Variants in ZFYVE28 observed in about 807,000 individuals in gnomAD.
The protein encoded by ZFYVE28 is zinc finger FYVE-type containing 28.
Under a neutral mutation model 82.1 loss-of-function variants are expected in ZFYVE28, and 40 were observed. That is an observed-to-expected ratio of 0.49 (90% CI 0.38 to 0.63). ZFYVE28 has a LOEUF of 0.63. Ranked by LOEUF, ZFYVE28 falls within the 30% of genes least tolerant of loss-of-function variation. ZFYVE28 has a pLI of 0.00. For missense variants in ZFYVE28, 1,321 were observed against 1,242.1 expected (o/e 1.06, Z -0.96); for synonymous variants, 612 against 546.1 (o/e 1.12, Z -1.68).
intron 2 of ZFYVE28, among the ~76,000 whole-genome samples, chr4:2,352,088 G>C (rs1186394201): frequency 6.6e-6 from 1 of 152,140 alleles, no homozygotes; most frequent in Non-Finnish European, 1.5e-5. Flanking sequence ...TTTGTGTCCT[G>C]AGAATACTGT....
intron 8 of ZFYVE28, among the ~76,000 whole-genome samples, chr4:2,290,006 GC>G (rs1389064432): frequency 6.6e-6 from 1 of 152,144 alleles, no homozygotes; most frequent in Non-Finnish European, 1.5e-5. Context: ...CAGTGGACAG[GC>G]CCAGGGAGCC....
intron 8 of ZFYVE28, among the ~76,000 whole-genome samples, chr4:2,297,836 GAC>G (rs1206434591): frequency 6.6e-6 from 1 of 151,374 alleles, no homozygotes; most frequent in East Asian, 1.9e-4. Flanking sequence ...GTGACACGGT[GAC>G]ACAGTGACAC....
chr4:2,330,570 G>A, intron 6 of ZFYVE28: 1 of 1,213,730 alleles, frequency 8.2e-7, no homozygotes, highest in South Asian at 1.8e-5. Flanking sequence ...TGGAGAATGG[G>A]ATAGCATGGA....
intron 8 of ZFYVE28, among the ~76,000 whole-genome samples, chr4:2,292,572 C>T (rs1013312018): frequency 3.3e-5 from 5 of 152,168 alleles, no homozygotes; most frequent in East Asian, 3.9e-4. Flanking sequence ...GCAGGGTCAA[C>T]GGATTACTCA....
Position 2,416,264 on chromosome 4 carries a change from T to G in ZFYVE28, c.39+2021A>C, listed in dbSNP as rs1733023472. ...GAAACAGACAAGGCCATCCTGAAAT[T>G]ACTCAGCTACTCATGAAACAGAGTC... On this transcript the variant is annotated intron_variant, in intron 1 of 12. Coordinates refer to ENST00000290974, the MANE Select transcript of ZFYVE28 (RefSeq NM_020972.3). This position sits in a 1 kb window ranked among gnomAD's most constrained non-coding sequence, Gnocchi z 4.6. 6.6e-6 allele frequency among the ~76,000 whole-genome samples: 1 copy of G among 152,228 alleles called. No homozygotes were observed. Among genetic ancestry groups the G allele is most frequent in the South Asian group, 2.1e-4 (1 of 4,824 alleles).
At chr4:2,330,141 C>T (rs1017840350) in intron 6 of ZFYVE28, 15 of 411,520 alleles carry the variant, frequency 3.6e-5, no homozygotes, top group Admixed American at 1.9e-4. Context: ...TGGAGGTGAC[C>T]GCTCAGGAGT....
chr4:2,391,322 G>A lies in ZFYVE28; in HGVS notation c.39+26963C>T, dbSNP rs541208789. On this transcript the variant is annotated intron_variant, in intron 1 of 12. Coordinates refer to ENST00000290974, the MANE Select transcript of ZFYVE28 (RefSeq NM_020972.3). Reference sequence around the variant, plus strand: ...GAGCTCTCCCAACCCGCGCTCATGTGTGGCGGAAGAGCCTCGTTCCCTCCC... The same window carrying A: ...GAGCTCTCCCAACCCGCGCTCATGTATGGCGGAAGAGCCTCGTTCCCTCCC... 2.6e-5 allele frequency among the ~76,000 whole-genome samples: 4 copies of A among 152,200 alleles called. No individual in the cohort carries two copies. In the South Asian group the frequency reaches 8.3e-4, roughly 32 times the overall value.
chr4:2,402,878 A>C (rs1378429169), intron 1 of ZFYVE28, among the ~76,000 whole-genome samples: 2 of 151,592 alleles, frequency 1.3e-5, no homozygotes, highest in Non-Finnish European at 2.9e-5. Context: ...TGCCCCCTCC[A>C]CCAAGGCCCC....
chr4:2,399,328 G>A (rs1250213579), intron 1 of ZFYVE28, among the ~76,000 whole-genome samples: 1 of 152,166 alleles, frequency 6.6e-6, no homozygotes, highest in African/African-American at 2.4e-5. Context: ...AGTCCTGTGT[G>A]TTCACGCCTC....
At chr4:2,401,131 G>A (rs563568690) in intron 1 of ZFYVE28, among the ~76,000 whole-genome samples, 2 of 152,310 alleles carry the variant, frequency 1.3e-5, no homozygotes, top group Admixed American at 1.3e-4. Context: ...GCCGTCACGA[G>A]CCTCTCCCCA....
chr4:2,279,324 C>T (rs992323988), intron 8 of ZFYVE28, among the ~76,000 whole-genome samples: 2 of 152,106 alleles, frequency 1.3e-5, no homozygotes, highest in African/African-American at 2.4e-5. Context: ...CCCAGCTACC[C>T]GGGAAGCTGA....
rs866861396 is a variant in ZFYVE28 at position 2,337,911 on chromosome 4, G to A, written c.522-415C>T. 6.8e-5 allele frequency among the ~76,000 whole-genome samples: 9 copies of A among 132,380 alleles called. 1 individual carries two copies. Among genetic ancestry groups the A allele is most frequent in the Middle Eastern group, 3.7e-3 (1 of 268 alleles). 86.8% of individuals were successfully genotyped at this position (132,380 alleles called of 152,430 possible). On this transcript the variant is annotated intron_variant, in intron 4 of 12. Coordinates refer to ENST00000290974, the MANE Select transcript of ZFYVE28 (RefSeq NM_020972.3). The stretch of plus-strand genomic sequence containing the variant: ...ACACCCTACACCACCATCCCATTTC[G>A]GCAGTTTCATAGTACACAGCTCCTG...
rs562337603 is a variant in ZFYVE28 at position 2,382,767 on chromosome 4, G to A, written c.40-28694C>T. On this transcript the variant is annotated intron_variant, in intron 1 of 12. Transcript: ENST00000290974. ...GGGGACTGTATTAGTCCATTTTTAG[G>A]CTGCTGATAAAGACACGCTGGAGAC... Among the ~76,000 whole-genome samples, 6 of 152,218 alleles carry A rather than the reference G, an allele frequency of 3.9e-5. No homozygotes were observed. The South Asian group carries it at 1.2e-3, about 32-fold the overall frequency.
chr4:2,353,838 G>GGGCC, intron 2 of ZFYVE28, 95 bp downstream of exon 2: 2 of 1,282,092 alleles, frequency 1.6e-6, no homozygotes, highest in Middle Eastern at 3.0e-4. Context: ...CCACCACAGG[G>GGGCC]GGCCAGCAGG....
intron 1 of ZFYVE28, among the ~76,000 whole-genome samples, chr4:2,414,119 T>C (rs1041301447): frequency 2.0e-5 from 3 of 152,128 alleles, no homozygotes; most frequent in African/African-American, 7.2e-5. Flanking sequence ...GTGGCCAAGG[T>C]ACAGAGTGCT....
intron 8 of ZFYVE28, among the ~76,000 whole-genome samples, chr4:2,276,522 C>T (rs990497703): frequency 6.6e-6 from 1 of 152,176 alleles, no homozygotes; most frequent in African/African-American, 2.4e-5. Context: ...ACTTGCACGC[C>T]CACGTTCATA....
chr4:2,410,539 A>G (rs539617132), intron 1 of ZFYVE28, among the ~76,000 whole-genome samples: 40 of 146,132 alleles, frequency 2.7e-4, no homozygotes, highest in Non-Finnish European at 5.3e-4. Flanking sequence ...TCTGTTGCCC[A>G]GGCTGGAGTG....
chr4:2,391,457 T>C (rs996527349), intron 1 of ZFYVE28, among the ~76,000 whole-genome samples: 27 of 146,908 alleles, frequency 1.8e-4, no homozygotes, highest in African/African-American at 6.5e-4. Context: ...TCAATTATCT[T>C]TTTTTTTTTT....
At chr4:2,388,406 C>T (rs1268347983) in intron 1 of ZFYVE28, among the ~76,000 whole-genome samples, 1 of 152,266 alleles carries the variant, frequency 6.6e-6, no homozygotes, top group South Asian at 2.1e-4. Context: ...AACAGCACAA[C>T]GAGGGCTCCC....
Sources: gnomAD v4.1 joint callset for allele counts (sites outside exome capture counted in the v4.1 genomes callset) on GRCh38, gnomAD v4.1.1 for gene constraint, Gnocchi (gnomAD v3.1) non-coding constraint, MANE v1.5 for transcripts, NCBI Gene and HGNC (gene_info 2026-07-23, HGNC 2026-07-21) for gene names.